DPYD: variants seen among roughly 807,000 people sequenced by gnomAD.
DPYD encodes the protein dihydropyrimidine dehydrogenase [NADP(+)].
DPYD carries 109 observed loss-of-function variants against 116.2 expected under a neutral mutation model. The ratio of observed to expected loss-of-function variants is 0.94; its 90% CI spans 0.80 to 1.10. DPYD has a LOEUF of 1.10. Ranked by LOEUF, DPYD falls within the 50% of genes least tolerant of loss-of-function variation. The pLI is 0.00. For missense variants in DPYD, 1,302 were observed against 1,254.5 expected (o/e 1.04, Z -0.57); for synonymous variants, 440 against 432.0 (o/e 1.02, Z -0.23).
chr1:97,496,999 A>G (rs1448269200), intron 13 of DPYD, among the ~76,000 whole-genome samples: 1 of 151,936 alleles, frequency 6.6e-6, no homozygotes, highest in Non-Finnish European at 1.5e-5. Context: ...TTAAAGAATA[A>G]TTTTCATTAT....
At chr1:97,716,921 A>AT (rs1408765016) in intron 5 of DPYD, among the ~76,000 whole-genome samples, 1 of 151,970 alleles carries the variant, frequency 6.6e-6, no homozygotes, top group African/African-American at 2.4e-5. Flanking sequence ...AAAAAATTCA[A>AT]TTTTTTATTT....
intron 14 of DPYD, among the ~76,000 whole-genome samples, chr1:97,422,051 G>A (rs1424122628): frequency 2.6e-5 from 4 of 152,116 alleles, no homozygotes; most frequent in African/African-American, 4.8e-5. Flanking sequence ...CCTCAGGAAA[G>A]CAAGAGATAT....
At chr1:97,539,887 C>G (rs1650296316) in intron 12 of DPYD, among the ~76,000 whole-genome samples, 1 of 152,028 alleles carries the variant, frequency 6.6e-6, no homozygotes, top group East Asian at 1.9e-4. Flanking sequence ...TCCATATAGC[C>G]TTTTTCTCTC....
intron 10 of DPYD, among the ~76,000 whole-genome samples, chr1:97,578,824 T>A (rs1453560121): frequency 2.0e-5 from 3 of 152,082 alleles, no homozygotes; most frequent in Non-Finnish European, 2.9e-5. Flanking sequence ...AGGAACCACA[T>A]GATGGATTTA....
intron 16 of DPYD, among the ~76,000 whole-genome samples, chr1:97,354,341 A>C (rs1319301947): frequency 6.6e-6 from 1 of 152,196 alleles, no homozygotes; most frequent in East Asian, 1.9e-4. Context: ...ACAGATGTGT[A>C]AAAGGAAGTC....
At chr1:97,459,168 TAAAA>T (rs201326818) in intron 13 of DPYD, among the ~76,000 whole-genome samples, 1 of 151,584 alleles carries the variant, frequency 6.6e-6, no homozygotes. Context: ...TTTCTAGAAA[TAAAA>T]AAAATAATAT....
chr1:97,373,542 C>G lies in DPYD; in HGVS notation c.2058+19G>C, dbSNP rs1671419036. On this transcript the variant is annotated intron_variant, in intron 16 of 22. Transcript: ENST00000370192. ...TATGTCACACTGACATACTTAGTGGCAGCTGTCAAGGTCCTTACCTGCCCA... is the reference window on the plus strand; with the variant it reads ...TATGTCACACTGACATACTTAGTGGGAGCTGTCAAGGTCCTTACCTGCCCA... The G allele has an allele frequency of 6.2e-7, 1 of 1,609,238 alleles. No homozygotes were observed.
intron 3 of DPYD, among the ~76,000 whole-genome samples, chr1:97,811,658 A>T (rs185481043): frequency 6.6e-6 from 1 of 152,276 alleles, no homozygotes; most frequent in East Asian, 1.9e-4. Flanking sequence ...AGTATTCTTA[A>T]TTCCATCTTA....
intron 5 of DPYD, among the ~76,000 whole-genome samples, chr1:97,703,823 T>A (rs1661743606): frequency 6.6e-6 from 1 of 152,046 alleles, no homozygotes; most frequent in South Asian, 2.1e-4. Context: ...GTAGTATTTG[T>A]TATAGTTATT....
chr1:97,194,195 A>G (rs1658585601), intron 19 of DPYD, among the ~76,000 whole-genome samples: 1 of 152,168 alleles, frequency 6.6e-6, no homozygotes. Flanking sequence ...CTCATCTTGA[A>G]TTGTAGTTCC....
chr1:97,643,324 A>T (rs917313542), intron 8 of DPYD, among the ~76,000 whole-genome samples: 1 of 152,244 alleles, frequency 6.6e-6, no homozygotes, highest in African/African-American at 2.4e-5. Context: ...GCTAACAAGC[A>T]TATGAAAAAA....
intron 12 of DPYD, among the ~76,000 whole-genome samples, chr1:97,527,204 G>A (rs552422112): frequency 1.3e-5 from 2 of 151,728 alleles, no homozygotes; most frequent in Admixed American, 6.6e-5. Context: ...TCAGCCTCTC[G>A]AGTAGCTGGG....
intron 19 of DPYD, among the ~76,000 whole-genome samples, chr1:97,203,897 T>C (rs1659422777): frequency 6.6e-6 from 1 of 151,386 alleles, no homozygotes; most frequent in Non-Finnish European, 1.5e-5. Flanking sequence ...TCTGAAAGCA[T>C]TCACAATTCA....
Position 97,515,944 on chromosome 1 carries a change from G to T in DPYD, c.1525-3C>A. 6.2e-7 allele frequency: 1 copy of T among 1,611,310 alleles called. No homozygotes were observed. The highest frequency in any genetic ancestry group is 8.5e-7 in the Non-Finnish European group (1 of 1,178,168). On this transcript the variant is annotated splice_polypyrimidine_tract_variant and splice_region_variant and intron_variant, in intron 12 of 22. Transcript: ENST00000370192. ...GAAACGGAAGCTCCATATTGTGACT[G>T]CAAAATACAAACCAATACTTGGTTT...
intron 3 of DPYD, among the ~76,000 whole-genome samples, chr1:97,787,620 A>G (rs1327577195): frequency 6.6e-6 from 1 of 152,174 alleles, no homozygotes; most frequent in East Asian, 1.9e-4. Context: ...AATTTTTATG[A>G]TGTCCTCCAT....
chr1:97,852,593 ATC>A (rs2101570264), intron 2 of DPYD, among the ~76,000 whole-genome samples: 2 of 152,278 alleles, frequency 1.3e-5, no homozygotes, highest in East Asian at 3.9e-4. Flanking sequence ...CTGCATTTTT[ATC>A]AGTGATTTCC....
intron 20 of DPYD, among the ~76,000 whole-genome samples, chr1:97,168,154 G>A (rs1252091897): frequency 1.3e-5 from 2 of 152,132 alleles, no homozygotes; most frequent in Non-Finnish European, 2.9e-5. Context: ...CTCCAAACAA[G>A]TTAAGCTTTT....
chr1:97,832,221 G>A (rs1416952791), intron 2 of DPYD, among the ~76,000 whole-genome samples: 1 of 152,042 alleles, frequency 6.6e-6, no homozygotes, highest in East Asian at 1.9e-4. Flanking sequence ...AACCACAGGG[G>A]AGATTAAGAT....
intron 14 of DPYD, among the ~76,000 whole-genome samples, chr1:97,424,721 C>A (rs1674771459): frequency 6.6e-6 from 1 of 151,882 alleles, no homozygotes; most frequent in Non-Finnish European, 1.5e-5. Context: ...CTAGTATGAA[C>A]CCTTTAAATA....
Sources: allele counts gnomAD v4.1 joint callset (sites outside exome capture counted in the v4.1 genomes callset), GRCh38; gene constraint gnomAD v4.1.1; transcripts MANE v1.5; gene names NCBI Gene and HGNC (gene_info 2026-07-23, HGNC 2026-07-21).